The following ZNF521 variants were observed in gnomAD, a reference collection of about 807,000 sequenced individuals.
ZNF521 encodes zinc finger protein 521, also known as LYST-interacting protein 3.
In ZNF521, 14 loss-of-function variants were observed where a neutral mutation model predicts 105.5. That is an observed-to-expected ratio of 0.13 (90% confidence interval 0.09 to 0.21). The LOEUF is 0.21. ZNF521 is among the 10% of genes least tolerant of loss of function. The pLI is 1.00. For synonymous variants in ZNF521, 635 were observed against 606.0 expected (o/e 1.05, Z -0.70); for missense variants, 1,233 against 1,629.7 (o/e 0.76, Z 4.19).
intron 3 of ZNF521, among the ~76,000 whole-genome samples, chr18:25,300,039 T>C (rs1239213519): frequency 3.3e-5 from 5 of 152,220 alleles, no homozygotes; most frequent in African/African-American, 1.2e-4. Flanking sequence ...ATCGCTGTTA[T>C]TTCTAAGCTT....
intron 5 of ZNF521, among the ~76,000 whole-genome samples, chr18:25,175,491 A>G (rs2035522152): frequency 6.6e-6 from 1 of 152,222 alleles, no homozygotes; most frequent in Non-Finnish European, 1.5e-5. Flanking sequence ...GGAGCCTACC[A>G]CATACTTTGT....
At chr18:25,192,476 A>G (rs1168934551) in intron 5 of ZNF521, among the ~76,000 whole-genome samples, 2 of 152,162 alleles carry the variant, frequency 1.3e-5, no homozygotes, top group African/African-American at 4.8e-5. Flanking sequence ...TGACTTGAGT[A>G]AAGAAGGAAT....
At chr18:25,304,231 T>A (rs1911840032) in intron 3 of ZNF521, among the ~76,000 whole-genome samples, 1 of 152,200 alleles carries the variant, frequency 6.6e-6, no homozygotes, top group African/African-American at 2.4e-5. Context: ...AAATACAGTC[T>A]CTTTGAGACA....
At chr18:25,117,461 T>G (rs558482627) in intron 5 of ZNF521, among the ~76,000 whole-genome samples, 1 of 152,236 alleles carries the variant, frequency 6.6e-6, no homozygotes, top group African/African-American at 2.4e-5. Flanking sequence ...GACAATTAAC[T>G]TAGATGTTAG....
chr18:25,176,641 C>T (rs1600121463), intron 5 of ZNF521, among the ~76,000 whole-genome samples: 19 of 152,152 alleles, frequency 1.2e-4, no homozygotes, highest in Admixed American at 1.2e-3. Context: ...GGCCTCATTC[C>T]ACTGCTTTAA....
intron 3 of ZNF521, among the ~76,000 whole-genome samples, chr18:25,267,120 A>C (rs958453453): frequency 1.3e-5 from 2 of 152,192 alleles, no homozygotes; most frequent in African/African-American, 4.8e-5. Context: ...CTGAGGCTTG[A>C]GTAGGCAGTT....
At chr18:25,351,152 A>ACGGCGGCGGCGGCGG (rs551517292) in intron 1 of ZNF521, 1 of 155,050 alleles carries the variant, frequency 6.4e-6, no homozygotes, top group South Asian at 1.8e-4. Flanking sequence ...GCTCTGCACG[A>ACGGCGGCGGCGGCGG]CGGCGGCGGC....
rs114498549 is a variant in ZNF521 at position 25,297,240 on chromosome 18, G to A, written c.220+24768C>T. Among the ~76,000 whole-genome samples the A allele has an allele frequency of 6.4e-3, 971 of 151,828 alleles. 10 individuals are homozygous for A. The highest frequency in any genetic ancestry group is 0.019 in the African/African-American group (780 of 41,414). On this transcript the variant is annotated intron_variant, in intron 3 of 7. Coordinates refer to ENST00000361524, the MANE Select transcript of ZNF521 (RefSeq NM_015461.3). ...AACATATGTAACACACTAGATATAC[G>A]TAAAGAAACTCATGAGAATGCTAAA... is the stretch of plus-strand genomic sequence containing the variant.
intron 3 of ZNF521, among the ~76,000 whole-genome samples, chr18:25,308,011 G>T (rs928575592): frequency 6.6e-6 from 1 of 151,942 alleles, no homozygotes; most frequent in African/African-American, 2.4e-5. Flanking sequence ...AGACCAGCCT[G>T]GCCAACATGG....
At position 25,322,556 on chromosome 18, in the gene ZNF521, C is replaced by CAAAAA. The variant is rs1311502086; in HGVS notation, c.41-370_41-369insTTTTT. 5.3e-3 allele frequency among the ~76,000 whole-genome samples: 771 copies of CAAAAA among 145,910 alleles called. 5 individuals carry two copies. The highest frequency in any genetic ancestry group is 0.011 in the Middle Eastern group (3 of 266). On this transcript the variant is annotated intron_variant, in intron 2 of 7. Transcript: ENST00000361524. Reference sequence around the variant, plus strand: ...AATGCAAAAAAAAAAAAAAAAAACCCCCCCACTGTGCTTAAGAATGAACTC... The same window carrying CAAAAA: ...AATGCAAAAAAAAAAAAAAAAAACCCAAAAACCCCACTGTGCTTAAGAATGAACTC...
At chr18:25,112,900 A>C (rs1271501173) in intron 5 of ZNF521, among the ~76,000 whole-genome samples, 1 of 151,878 alleles carries the variant, frequency 6.6e-6, no homozygotes, top group Non-Finnish European at 1.5e-5. Context: ...TGCTATATCC[A>C]TATGTGCTGC....
intron 5 of ZNF521, among the ~76,000 whole-genome samples, chr18:25,116,919 C>CG (rs1567968553): frequency 1.5e-5 from 2 of 136,806 alleles, no homozygotes; most frequent in Non-Finnish European, 3.0e-5. Context: ...ATACGTATAT[C>CG]TATGTATATA....
At chr18:25,154,153 T>G (rs952130819) in intron 5 of ZNF521, among the ~76,000 whole-genome samples, 4 of 152,212 alleles carry the variant, frequency 2.6e-5, no homozygotes, top group African/African-American at 9.6e-5. Context: ...TTGATTTCAT[T>G]CTGGTTCAAG....
Position 25,225,536 on chromosome 18 carries a change from G to C in ZNF521, c.2382C>G (p.Thr794=), listed in dbSNP as rs1022998779. Residue 794 remains threonine (T), a synonymous_variant, in exon 4 of 8, where the codon ACC becomes ACG. Transcript: ENST00000361524. The surrounding 1 kb of genome is among the most constrained non-coding windows in gnomAD (Gnocchi z 5.6). ...TGATGTGGCATTGCAGCTCCACCTC[G>C]GTGCCAAAGGACTCACCGCAGAAAA... is the stretch of plus-strand genomic sequence containing the variant. The part of the protein sequence containing the change: ...KCIFCGESFG[T]EVELQCHITT... 3 of 1,614,138 alleles carry C rather than the reference G, an allele frequency of 1.9e-6. No homozygotes were observed. In the East Asian group the frequency reaches 6.7e-5, roughly 36 times the overall value.
At chr18:25,283,902 T>G (rs962019235) in intron 3 of ZNF521, among the ~76,000 whole-genome samples, 4 of 148,462 alleles carry the variant, frequency 2.7e-5, no homozygotes, top group Non-Finnish European at 5.9e-5. Flanking sequence ...TAGCCACACC[T>G]AAAAAACAAG....
intron 3 of ZNF521, among the ~76,000 whole-genome samples, chr18:25,283,671 T>C (rs1198063408): frequency 6.6e-6 from 1 of 152,204 alleles, no homozygotes; most frequent in South Asian, 2.1e-4. Flanking sequence ...TAGAAAATAA[T>C]GTGCTGCTGG....
chr18:25,071,339 A>C (rs546762484), intron 7 of ZNF521, among the ~76,000 whole-genome samples: 1 of 152,202 alleles, frequency 6.6e-6, no homozygotes, highest in Non-Finnish European at 1.5e-5. Context: ...AGAAGTGTTC[A>C]TTCTTTTAGT....
chr18:25,329,064 A>G (rs1254939901), intron 2 of ZNF521, among the ~76,000 whole-genome samples: 1 of 152,162 alleles, frequency 6.6e-6, no homozygotes, highest in Non-Finnish European at 1.5e-5. Flanking sequence ...TTTCTTGAGC[A>G]CCTATGTGGT....
chr18:25,126,867 A>G (rs1191667350), intron 5 of ZNF521, among the ~76,000 whole-genome samples: 2 of 152,066 alleles, frequency 1.3e-5, no homozygotes, highest in South Asian at 2.1e-4. Flanking sequence ...AGGAAAGGAC[A>G]TCTTAGTCTG....
Sources: gnomAD v4.1 joint callset for allele counts (sites outside exome capture counted in the v4.1 genomes callset) on GRCh38, gnomAD v4.1.1 for gene constraint, Gnocchi (gnomAD v3.1) non-coding constraint, MANE v1.5 for transcripts, NCBI Gene and HGNC (gene_info 2026-07-23, HGNC 2026-07-21) for gene names.